The following NTM variants were observed in gnomAD, a reference collection of about 807,000 sequenced individuals.
The protein encoded by NTM is IgLON family member 2.
NTM carries 13 observed loss-of-function variants against 42.1 expected under a neutral mutation model. The observed-to-expected ratio is 0.31, with a 90% CI of 0.20 to 0.49. The LOEUF is 0.49. NTM is among the 20% of genes least tolerant of loss of function. The pLI is 0.99. For missense variants in NTM, 373 were observed against 452.8 expected, an observed-to-expected ratio of 0.82 and a Z score of 1.60; for synonymous variants, 187 against 179.2, an observed-to-expected ratio of 1.04 and a Z score of -0.35.
chr11:131,844,675 A>G (rs2044698688), intron 1 of NTM, among the ~76,000 whole-genome samples: 1 of 151,974 alleles, frequency 6.6e-6, no homozygotes, highest in Admixed American at 6.6e-5. Flanking sequence ...TTTGCTGGAA[A>G]TCTCTTATAC....
chr11:131,621,938 A>G (rs1000095650), intron 1 of NTM, among the ~76,000 whole-genome samples: 3 of 152,148 alleles, frequency 2.0e-5, no homozygotes, highest in African/African-American at 7.2e-5. Flanking sequence ...AAAGAACCAT[A>G]TAGAATCAGG....
intron 3 of NTM, among the ~76,000 whole-genome samples, chr11:132,167,684 A>G (rs2075488172): frequency 3.3e-5 from 5 of 152,230 alleles, no homozygotes. Context: ...CAATAACTCA[A>G]AATAATGTAT....
chr11:131,606,719 T>A (rs1000956924), intron 1 of NTM, among the ~76,000 whole-genome samples: 2 of 152,192 alleles, frequency 1.3e-5, no homozygotes, highest in African/African-American at 2.4e-5. Context: ...TCTGAGTTGT[T>A]AGCAAGTACA....
intron 1 of NTM, among the ~76,000 whole-genome samples, chr11:131,827,218 C>T (rs10894458): frequency 0.57 from 86,088 of 151,992 alleles, 26,219 homozygotes; most frequent in East Asian, 0.86. Context: ...TAGAAAACTG[C>T]TATAGAGGTA....
chr11:132,001,628 T>G (rs566673696), intron 2 of NTM, among the ~76,000 whole-genome samples: 1 of 152,096 alleles, frequency 6.6e-6, no homozygotes, highest in South Asian at 2.1e-4. Context: ...ACAGATCTCA[T>G]GAGGACAGCC....
intron 4 of NTM, among the ~76,000 whole-genome samples, chr11:132,265,628 A>G (rs1298635956): frequency 6.6e-6 from 1 of 152,194 alleles, no homozygotes; most frequent in African/African-American, 2.4e-5. Context: ...AGCTGGGTCA[A>G]ATGCAGGAAA....
intron 1 of NTM, among the ~76,000 whole-genome samples, chr11:131,750,090 A>T (rs1246211865): frequency 2.6e-5 from 4 of 152,210 alleles, no homozygotes; most frequent in Non-Finnish European, 5.9e-5. Flanking sequence ...GAAAGCCATT[A>T]GGCACCTGCT....
intron 2 of NTM, among the ~76,000 whole-genome samples, chr11:132,043,075 TG>T (rs1238567508): frequency 6.6e-6 from 1 of 152,204 alleles, no homozygotes. Context: ...CTTATGATGC[TG>T]TAGCATAAAA....
intron 1 of NTM, among the ~76,000 whole-genome samples, chr11:131,518,281 A>G (rs2049148340): frequency 6.6e-6 from 1 of 152,162 alleles, no homozygotes. Context: ...TAAGTGCAAG[A>G]ATGGGGACTG....
chr11:131,735,803 G>T (rs937884764), intron 1 of NTM, among the ~76,000 whole-genome samples: 1 of 151,546 alleles, frequency 6.6e-6, no homozygotes, highest in African/African-American at 2.4e-5. Context: ...GGAGTCAGAA[G>T]CCTGTGCCGT....
chr11:131,734,836 C>A (rs767351014), intron 1 of NTM, among the ~76,000 whole-genome samples: 2 of 152,058 alleles, frequency 1.3e-5, no homozygotes, highest in African/African-American at 2.4e-5. Flanking sequence ...ATTTCTCCAC[C>A]CAGGAGCTGT....
chr11:132,262,374 A>C (rs1393652222), intron 4 of NTM, among the ~76,000 whole-genome samples: 1 of 152,184 alleles, frequency 6.6e-6, no homozygotes, highest in Non-Finnish European at 1.5e-5. Flanking sequence ...GCCACGGTTG[A>C]CTAAGGCTGC....
chr11:131,962,638 G>A (rs532644295), intron 2 of NTM, among the ~76,000 whole-genome samples: 3 of 152,272 alleles, frequency 2.0e-5, no homozygotes, highest in Admixed American at 6.5e-5. Context: ...TCTGTCTATG[G>A]TAATTTGTTA....
chr11:131,552,091 A>G (rs1329729904), intron 1 of NTM, among the ~76,000 whole-genome samples: 1 of 152,270 alleles, frequency 6.6e-6, no homozygotes, highest in East Asian at 1.9e-4. Flanking sequence ...AGTTAAGACC[A>G]CAGTGGAATA....
intron 2 of NTM, among the ~76,000 whole-genome samples, chr11:132,145,751 G>A (rs1462907196): frequency 6.6e-6 from 1 of 152,160 alleles, no homozygotes; most frequent in African/African-American, 2.4e-5. Context: ...ATTCTGAGAT[G>A]AGAGGAATGA....
At chr11:131,602,640 T>A (rs1481739878) in intron 1 of NTM, among the ~76,000 whole-genome samples, 3 of 152,208 alleles carry the variant, frequency 2.0e-5, no homozygotes, top group Non-Finnish European at 4.4e-5. Context: ...CAAATTTATA[T>A]CTTCAGCCCA....
rs148445909 is a variant in NTM, at chr11:131,833,691, G to A, written c.83-77873G>A. ...GGTTGGTTCTCTCCTTAACCCTGCC[G>A]TGTTTTCCATTAGGCCCTGTACCCT... On this transcript the variant is annotated intron_variant, in intron 1 of 8. Coordinates refer to ENST00000683400, the MANE Select transcript of NTM (RefSeq NM_001352005.2). Among the ~76,000 whole-genome samples the A allele has an allele frequency of 2.4e-4, 37 of 152,260 alleles. No homozygotes were observed. The East Asian group carries it at 6.0e-3, about 25-fold the overall frequency.
At chr11:131,461,236 G>T (rs73588717) in intron 1 of NTM, among the ~76,000 whole-genome samples, 7,854 of 152,196 alleles carry the variant, frequency 0.052, 699 homozygotes, top group African/African-American at 0.18. Flanking sequence ...GTTGGCCAGT[G>T]CATTATAATC....
intron 2 of NTM, among the ~76,000 whole-genome samples, chr11:132,004,183 G>A (rs1200843489): frequency 6.6e-6 from 1 of 152,092 alleles, no homozygotes; most frequent in Non-Finnish European, 1.5e-5. Context: ...AAAGATGGTG[G>A]CAAAAGGTAA....
Sources: gnomAD v4.1 joint callset for allele counts (sites outside exome capture counted in the v4.1 genomes callset) on GRCh38, gnomAD v4.1.1 for gene constraint, MANE v1.5 for transcripts, NCBI Gene and HGNC (gene_info 2026-07-23, HGNC 2026-07-21) for gene names.